Variants in CCSER1 observed in about 807,000 individuals in gnomAD.
The protein encoded by CCSER1 is coiled-coil serine rich protein 1, also known as serine-rich coiled-coil domain-containing protein 1.
In CCSER1, 41 loss-of-function variants were observed where a neutral mutation model predicts 82.0. That is an observed-to-expected ratio of 0.50 (90% CI 0.39 to 0.65). The LOEUF is 0.65. Ranked by LOEUF, CCSER1 falls within the 30% of genes least tolerant of loss-of-function variation. CCSER1 has a pLI of 0.00. For missense variants in CCSER1, 1,119 were observed against 1,064.2 expected (o/e 1.05, Z -0.72); for synonymous variants, 414 against 383.9 (o/e 1.08, Z -0.92).
chr4:91,226,974 T>C (rs1738248988), intron 10 of CCSER1, among the ~76,000 whole-genome samples: 1 of 151,908 alleles, frequency 6.6e-6, no homozygotes, highest in African/African-American at 2.4e-5. Context: ...TAAAGGATTA[T>C]GAGGATTACA....
chr4:90,758,856 C>T (rs1749977176), intron 7 of CCSER1, among the ~76,000 whole-genome samples: 1 of 152,096 alleles, frequency 6.6e-6, no homozygotes, highest in Non-Finnish European at 1.5e-5. Flanking sequence ...AGCAAACTGA[C>T]AGAAGTTTGT....
intron 10 of CCSER1, among the ~76,000 whole-genome samples, chr4:91,159,783 A>T (rs1731193222): frequency 6.6e-6 from 1 of 152,014 alleles, no homozygotes; most frequent in South Asian, 2.1e-4. Context: ...ATGAACAAAA[A>T]CATAATTTTA....
At chr4:90,866,831 T>C (rs1378047909) in intron 8 of CCSER1, among the ~76,000 whole-genome samples, 2 of 152,016 alleles carry the variant, frequency 1.3e-5, no homozygotes, top group Non-Finnish European at 2.9e-5. Flanking sequence ...TCATCAGGCA[T>C]TAGATTCTCA....
At chr4:90,691,063 A>C (rs1735729948) in intron 6 of CCSER1, among the ~76,000 whole-genome samples, 1 of 152,050 alleles carries the variant, frequency 6.6e-6, no homozygotes, top group Admixed American at 6.6e-5. Context: ...GAGAGTTATA[A>C]ATGCTCAGTG....
At chr4:91,590,144 T>C (rs550074102) in intron 10 of CCSER1, among the ~76,000 whole-genome samples, 1 of 152,188 alleles carries the variant, frequency 6.6e-6, no homozygotes, top group African/African-American at 2.4e-5. Context: ...GCTTATCTCA[T>C]GCATGTCTTC....
chr4:90,809,406 T>C lies in CCSER1; in HGVS notation c.2011-6356T>C, dbSNP rs574101476. Among the ~76,000 whole-genome samples the C allele has an allele frequency of 5.9e-5, 9 of 152,116 alleles. No homozygotes were observed. In the South Asian group the frequency reaches 1.9e-3, roughly 32 times the overall value. ...TAAAAATAACAAACTAGTGAAAGTA[T>C]TTTGCAGCAACTTGGAAGTAATTCA... On this transcript the variant is annotated intron_variant, in intron 7 of 10. Transcript: ENST00000509176.
chr4:91,365,736 G>A (rs769779736), intron 10 of CCSER1, among the ~76,000 whole-genome samples: 12 of 152,154 alleles, frequency 7.9e-5, no homozygotes, highest in Non-Finnish European at 1.3e-4. Flanking sequence ...GGGCCACTTT[G>A]TGACAGGGAT....
chr4:91,259,779 T>G (rs1581858830), intron 10 of CCSER1, among the ~76,000 whole-genome samples: 1 of 152,230 alleles, frequency 6.6e-6, no homozygotes. Context: ...ACTCATCTTT[T>G]TTATGGCCGC....
intron 5 of CCSER1, among the ~76,000 whole-genome samples, chr4:90,627,474 A>C (rs948548170): frequency 6.6e-6 from 1 of 152,036 alleles, no homozygotes; most frequent in Non-Finnish European, 1.5e-5. Flanking sequence ...ATTGAAATTA[A>C]GCAGAAGCCC....
At chr4:91,343,201 T>C (rs1029371724) in intron 10 of CCSER1, among the ~76,000 whole-genome samples, 2 of 152,122 alleles carry the variant, frequency 1.3e-5, no homozygotes, top group African/African-American at 4.8e-5. Flanking sequence ...TCTTATCCTC[T>C]ATTTTAGAAT....
intron 10 of CCSER1, among the ~76,000 whole-genome samples, chr4:91,490,944 A>C (rs1292806618): frequency 1.4e-4 from 14 of 101,046 alleles, no homozygotes; most frequent in African/African-American, 4.7e-4. Flanking sequence ...TGCGTCTACT[A>C]TGTACCCATA....
chr4:90,464,605 A>G (rs1200882839), intron 4 of CCSER1, among the ~76,000 whole-genome samples: 1 of 152,204 alleles, frequency 6.6e-6, no homozygotes, highest in Non-Finnish European at 1.5e-5. Context: ...CAATACATTA[A>G]CAACAAAAAT....
At chr4:90,768,259 C>T (rs938928136) in intron 7 of CCSER1, among the ~76,000 whole-genome samples, 33 of 152,234 alleles carry the variant, frequency 2.2e-4, no homozygotes, top group Middle Eastern at 3.4e-3. Context: ...AGCCTGCCAA[C>T]GACCTTGTGA....
chr4:90,325,346 A>G (rs866215528), intron 3 of CCSER1, among the ~76,000 whole-genome samples: 42 of 152,362 alleles, frequency 2.8e-4, no homozygotes, highest in Non-Finnish European at 4.0e-4. Context: ...AGAATTAGAT[A>G]TCTTTTACCT....
chr4:90,336,323 A>G (rs1385237512), intron 3 of CCSER1, among the ~76,000 whole-genome samples: 1 of 152,238 alleles, frequency 6.6e-6, no homozygotes, highest in Admixed American at 6.5e-5. Flanking sequence ...CCTTAGGATC[A>G]CTGATAATGT....
chr4:90,731,721 C>A (rs1005924971), intron 7 of CCSER1, among the ~76,000 whole-genome samples: 1 of 152,066 alleles, frequency 6.6e-6, no homozygotes, highest in Admixed American at 6.6e-5. Flanking sequence ...ATTATTTATA[C>A]TATGTATATT....
chr4:91,582,730 TATCA>T (rs1254574593), intron 10 of CCSER1, among the ~76,000 whole-genome samples: 6 of 151,450 alleles, frequency 4.0e-5, no homozygotes, highest in Admixed American at 1.3e-4. Flanking sequence ...TTTATCTGTC[TATCA>T]ATCAATCAAT....
chr4:91,010,261 G>T (rs1416231626), intron 9 of CCSER1, among the ~76,000 whole-genome samples: 1 of 152,104 alleles, frequency 6.6e-6, no homozygotes, highest in African/African-American at 2.4e-5. Context: ...CAGAGTTTCT[G>T]CTGAAAAATC....
chr4:91,448,749 A>C (rs369636292), intron 10 of CCSER1, among the ~76,000 whole-genome samples: 5 of 152,246 alleles, frequency 3.3e-5, no homozygotes, highest in African/African-American at 1.2e-4. Context: ...TTGTGTGCTT[A>C]ATTAATTTAT....
Sources: gnomAD v4.1 joint callset for allele counts (sites outside exome capture counted in the v4.1 genomes callset) on GRCh38, gnomAD v4.1.1 for gene constraint, MANE v1.5 for transcripts, NCBI Gene and HGNC (gene_info 2026-07-23, HGNC 2026-07-21) for gene names.